Variants in NELL1 observed in about 807,000 individuals in gnomAD.
The protein encoded by NELL1 is neural EGFL like 1, also known as protein kinase C-binding protein NELL1.
NELL1 carries 76 observed loss-of-function variants against 107.4 expected under a neutral mutation model. The ratio of observed to expected loss-of-function variants is 0.71; its 90% CI spans 0.59 to 0.86. The LOEUF (loss-of-function observed/expected upper bound fraction) is 0.86. Among genes scored for constraint, NELL1 ranks in the 40% least tolerant of loss-of-function variants. The probability of loss-of-function intolerance (pLI) is 0.00; values close to 1 mark genes in which losing one functional copy is unlikely to be tolerated. For missense variants in NELL1, 1,024 were observed against 1,005.5 expected (o/e 1.02, Z -0.25); for synonymous variants, 353 against 341.2 (o/e 1.03, Z -0.38).
intron 10 of NELL1, among the ~76,000 whole-genome samples, chr11:20,939,150 G>A (rs1177912823): frequency 6.6e-6 from 1 of 152,028 alleles, no homozygotes. Flanking sequence ...TTAAAAAATG[G>A]AATTGAAAGG....
chr11:21,509,597 C>T (rs1855383649), intron 15 of NELL1, among the ~76,000 whole-genome samples: 1 of 151,804 alleles, frequency 6.6e-6, no homozygotes, highest in Admixed American at 6.6e-5. Context: ...CAGCTTGATG[C>T]TATTTATATC....
chr11:21,320,250 T>C (rs1417081392), intron 14 of NELL1, among the ~76,000 whole-genome samples: 1 of 152,208 alleles, frequency 6.6e-6, no homozygotes, highest in African/African-American at 2.4e-5. Context: ...TCACTGTGTA[T>C]TGTTTATAAT....
intron 4 of NELL1, among the ~76,000 whole-genome samples, chr11:20,860,730 T>C (rs1246713437): frequency 1.3e-5 from 2 of 152,204 alleles, no homozygotes; most frequent in Admixed American, 1.3e-4. Context: ...GATTTCCTGG[T>C]CTGATTAACA....
At chr11:21,215,078 C>T (rs931092166) in intron 13 of NELL1, among the ~76,000 whole-genome samples, 32 of 152,022 alleles carry the variant, frequency 2.1e-4, no homozygotes, top group African/African-American at 7.7e-4. Context: ...ATTGTCATTC[C>T]CATAATCTCC....
At chr11:20,765,753 T>C (rs1480217483) in intron 2 of NELL1, among the ~76,000 whole-genome samples, 1 of 152,086 alleles carries the variant, frequency 6.6e-6, no homozygotes, top group East Asian at 1.9e-4. Flanking sequence ...TAGGAGTACA[T>C]TGTGTAGAGT....
At chr11:20,674,359 G>A in intron 1 of NELL1, 2 of 681,820 alleles carry the variant, frequency 2.9e-6, no homozygotes, top group Non-Finnish European at 5.0e-6. Flanking sequence ...ACCCCCAGCT[G>A]GGCACCACCT....
At chr11:21,217,372 A>G (rs1366136095) in intron 13 of NELL1, among the ~76,000 whole-genome samples, 1 of 152,104 alleles carries the variant, frequency 6.6e-6, no homozygotes, top group Non-Finnish European at 1.5e-5. Flanking sequence ...ACATTGTGGG[A>G]AGCTGAGTGA....
chr11:20,816,564 C>G (rs1564920973), intron 3 of NELL1, among the ~76,000 whole-genome samples: 1 of 152,078 alleles, frequency 6.6e-6, no homozygotes, highest in Admixed American at 6.6e-5. Context: ...TTAGGGATTT[C>G]TAGGTATGGA....
chr11:21,531,632 TTTTG>T (rs1407710372), intron 15 of NELL1, among the ~76,000 whole-genome samples: 1 of 152,168 alleles, frequency 6.6e-6, no homozygotes, highest in African/African-American at 2.4e-5. Context: ...AAAGGTGACT[TTTTG>T]TTTGTTTCCT....
chr11:20,770,392 A>G (rs896065395), intron 2 of NELL1, among the ~76,000 whole-genome samples: 3 of 152,232 alleles, frequency 2.0e-5, no homozygotes, highest in African/African-American at 7.2e-5. Flanking sequence ...CACCACATCC[A>G]TAGCCCCTTT....
chr11:21,458,337 G>A (rs1250796694), intron 15 of NELL1, among the ~76,000 whole-genome samples: 1 of 152,084 alleles, frequency 6.6e-6, no homozygotes, highest in Non-Finnish European at 1.5e-5. Flanking sequence ...GAAAAATATA[G>A]TGTTTGACCC....
chr11:21,502,358 C>T lies in NELL1; in HGVS notation c.1646-32016C>T, dbSNP rs372509902. 8.5e-5 allele frequency among the ~76,000 whole-genome samples: 13 copies of T among 152,196 alleles called. No homozygotes were observed. The South Asian group carries it at 2.1e-3, about 24-fold the overall frequency. On this transcript the variant is annotated intron_variant, in intron 15 of 19. Transcript: ENST00000357134. ...AGTAAGATTTTCTGGCTCCAAAACC[C>T]GTGATCTTTTCATTGCAAAATGCTG...
At chr11:21,035,476 A>T (rs1415658350) in intron 12 of NELL1, among the ~76,000 whole-genome samples, 37 of 151,792 alleles carry the variant, frequency 2.4e-4, no homozygotes, top group African/African-American at 8.7e-4. Flanking sequence ...AAATCCTAAA[A>T]AAAAAAAAAA....
intron 17 of NELL1, among the ~76,000 whole-genome samples, chr11:21,565,988 G>GAAAAAAACCTT (rs1856964135): frequency 2.0e-5 from 3 of 151,888 alleles, no homozygotes; most frequent in African/African-American, 7.2e-5. Context: ...GTCTATATCA[G>GAAAAAAACCTT]GCATCAGCAA....
At chr11:20,759,184 C>T (rs545780518) in intron 2 of NELL1, among the ~76,000 whole-genome samples, 7 of 152,318 alleles carry the variant, frequency 4.6e-5, no homozygotes, top group African/African-American at 1.4e-4. Flanking sequence ...TTGCTTTTAA[C>T]TCAACTCTTA....
intron 17 of NELL1, among the ~76,000 whole-genome samples, chr11:21,562,680 T>C (rs1420038409): frequency 6.6e-6 from 1 of 152,114 alleles, no homozygotes; most frequent in African/African-American, 2.4e-5. Flanking sequence ...TGGCATCATC[T>C]TGGAAGCTAA....
intron 9 of NELL1, among the ~76,000 whole-genome samples, chr11:20,930,628 G>A (rs1160828894): frequency 6.6e-6 from 1 of 152,102 alleles, no homozygotes; most frequent in Non-Finnish European, 1.5e-5. Context: ...CTGGGCCAAA[G>A]ATGAACATTT....
intron 2 of NELL1, among the ~76,000 whole-genome samples, chr11:20,763,892 G>A (rs188211429): frequency 2.2e-4 from 33 of 152,292 alleles, no homozygotes; most frequent in Middle Eastern, 6.8e-3. Context: ...GATGTGCTGG[G>A]GAGGGTCTTC....
chr11:20,921,565 A>G (rs1850376523), intron 7 of NELL1, among the ~76,000 whole-genome samples: 1 of 152,136 alleles, frequency 6.6e-6, no homozygotes, highest in East Asian at 1.9e-4. Context: ...AATAGGGAGT[A>G]ATATTACTCT....
Sources: allele counts gnomAD v4.1 joint callset (sites outside exome capture counted in the v4.1 genomes callset), GRCh38; gene constraint gnomAD v4.1.1; transcripts MANE v1.5; gene names NCBI Gene and HGNC (gene_info 2026-07-23, HGNC 2026-07-21).